Variants in C1orf105 observed in about 807,000 individuals in gnomAD.
C1orf105 encodes chromosome 1 open reading frame 105.
In C1orf105, 17 loss-of-function variants were observed where a neutral mutation model predicts 20.8. That is an observed-to-expected ratio of 0.82 (90% CI 0.56 to 1.23). The LOEUF is 1.23. Ranked by LOEUF, C1orf105 falls within the 50% of genes most tolerant of loss-of-function variation. The pLI is 0.00. For synonymous variants in C1orf105, 72 were observed against 72.1 expected (o/e 1.00, Z 0.01); for missense variants, 219 against 213.5 (o/e 1.03, Z -0.16).
chr1:172,442,613 G>A, intron 1 of C1orf105: 2 of 1,611,206 alleles, frequency 1.2e-6, no homozygotes, highest in South Asian at 1.1e-5. Flanking sequence ...GTCACAGGTT[G>A]AGCATACATT....
intron 6 of C1orf105, among the ~76,000 whole-genome samples, chr1:172,467,886 G>A (rs181705939): frequency 6.1e-4 from 93 of 152,296 alleles, no homozygotes; most frequent in African/African-American, 2.1e-3. Flanking sequence ...TCATTTTGAA[G>A]AAGAGATAGG....
At chr1:172,442,047 A>C in intron 1 of C1orf105, 1 of 1,614,248 alleles carries the variant, frequency 6.2e-7, no homozygotes, top group Non-Finnish European at 8.5e-7. Context: ...ACCGGGGAAG[A>C]CGTGATGCCA....
At chr1:172,430,446 T>A (rs909664281) in intron 1 of C1orf105, 24 of 595,826 alleles carry the variant, frequency 4.0e-5, no homozygotes, top group Non-Finnish European at 6.6e-5. Flanking sequence ...TTAAACCTTT[T>A]TTTATTTATT....
chr1:172,452,820 A>G (rs903480957), intron 3 of C1orf105: 16 of 1,396,676 alleles, frequency 1.1e-5, no homozygotes, highest in Non-Finnish European at 1.4e-5. Flanking sequence ...TGCTTGGGAA[A>G]TGAGGGCCCC....
chr1:172,428,050 G>GC (rs1001190351), intron 1 of C1orf105, among the ~76,000 whole-genome samples: 1 of 152,002 alleles, frequency 6.6e-6, no homozygotes, highest in Non-Finnish European at 1.5e-5. Context: ...CCATCCCTCT[G>GC]CCCCCACCTC....
chr1:172,458,177 G>T (rs917147219), intron 4 of C1orf105, among the ~76,000 whole-genome samples: 1 of 152,204 alleles, frequency 6.6e-6, no homozygotes, highest in South Asian at 2.1e-4. Flanking sequence ...GGGCAACAAT[G>T]TCTGCTCCTG....
chr1:172,441,418 T>C (rs1033587921), intron 1 of C1orf105: 6 of 228,648 alleles, frequency 2.6e-5, no homozygotes, highest in African/African-American at 1.4e-4. Flanking sequence ...TGCCCCTCTG[T>C]CTGCCTCCTG....
chr1:172,451,798 T>G (rs1201385807), intron 3 of C1orf105, among the ~76,000 whole-genome samples: 2 of 151,714 alleles, frequency 1.3e-5, no homozygotes, highest in Non-Finnish European at 2.9e-5. Flanking sequence ...TTTTGAATAT[T>G]GAAATTGTTC....
chr1:172,441,574 C>A lies in C1orf105; in HGVS notation c.22-3499C>A, dbSNP rs944326714. ...ATAACAGAAAGGATAAGCACCCTCACCACCCAAGCCTTTGGTTCATTTTTT... is the reference window on the plus strand; with the variant it reads ...ATAACAGAAAGGATAAGCACCCTCAACACCCAAGCCTTTGGTTCATTTTTT... On this transcript the variant is annotated intron_variant, in intron 1 of 6. Transcript: ENST00000367727. 1.3e-5 allele frequency: 8 copies of A among 619,222 alleles called. No individual in the cohort carries two copies. The South Asian group carries it at 2.6e-4, about 20-fold the overall frequency. 38.4% of individuals were successfully genotyped at this position (619,222 alleles called of 1,614,324 possible). A position where few individuals can be genotyped will look rare whatever the true frequency, so the allele number is the denominator to read the frequency against.
intron 1 of C1orf105, among the ~76,000 whole-genome samples, chr1:172,424,591 A>G (rs1230002844): frequency 2.6e-5 from 4 of 152,152 alleles, no homozygotes; most frequent in East Asian, 1.9e-4. Flanking sequence ...GGGTTTCACA[A>G]TGTTGGCCAG....
Position 172,456,469 on chromosome 1 carries a change from A to C in C1orf105, c.253A>C (p.Thr85Pro), listed in dbSNP as rs1253734351. 6.2e-7 allele frequency: 1 copy of C among 1,613,376 alleles called. No individual in the cohort carries two copies. Residue 85 changes from threonine (T) to proline (P), a missense_variant, in exon 4 of 7, where the codon ACA becomes CCA. Thr to Pro is a conservative substitution (Grantham distance 38, BLOSUM62 -1). Coordinates refer to ENST00000367727, the MANE Select transcript of C1orf105 (RefSeq NM_139240.4). ...GCTCAGAAACCAACAGCTGTGCTCC[A>C]CATGTCAAGAAATGAAAATGGTAGG... ...MLLRNQQLCS[T>P]CQEMKMVQPR...
At position 172,432,594 on chromosome 1, in the gene C1orf105, C is replaced by G. The variant is rs576881512; in HGVS notation, c.21+11688C>G. ...ACATCAACAAAAAGGACATCTACAC[C>G]AAAACCCTATCTGTAGGTCACCAAC... On this transcript the variant is annotated intron_variant, in intron 1 of 6. Transcript: ENST00000367727. Among the ~76,000 whole-genome samples, 71 of 152,244 alleles carry G rather than the reference C, an allele frequency of 4.7e-4. 1 individual carries two copies. The highest frequency in any genetic ancestry group is 1.6e-3 in the African/African-American group (66 of 41,546).
chr1:172,424,263 C>T lies in C1orf105; in HGVS notation c.21+3357C>T, dbSNP rs1051123030. On this transcript the variant is annotated intron_variant, in intron 1 of 6. Transcript: ENST00000367727. ...CAAAGAGACTTAAGGATCTGCAAGGCAGTAACCAAGAAGTCACTAATGTGG... is the reference window on the plus strand; with the variant it reads ...CAAAGAGACTTAAGGATCTGCAAGGTAGTAACCAAGAAGTCACTAATGTGG... Among the ~76,000 whole-genome samples, 5 of 152,254 alleles carry T rather than the reference C, an allele frequency of 3.3e-5. No homozygotes were observed. In the South Asian group the frequency reaches 1.0e-3, roughly 31 times the overall value.
chr1:172,435,740 C>G lies in C1orf105; in HGVS notation c.22-9333C>G, dbSNP rs181688924. On this transcript the variant is annotated intron_variant, in intron 1 of 6. Transcript: ENST00000367727. ...TATTCAACATAGTGTTGGAAGTTCTCGCCAGGGCAATCAGCCAAGAGAAAG... is the reference window on the plus strand; with the variant it reads ...TATTCAACATAGTGTTGGAAGTTCTGGCCAGGGCAATCAGCCAAGAGAAAG... Among the ~76,000 whole-genome samples, 258 of 152,156 alleles carry G rather than the reference C, an allele frequency of 1.7e-3. 3 individuals carry two copies. The highest frequency in any genetic ancestry group is 5.5e-3 in the African/African-American group (230 of 41,508).
At chr1:172,445,303 C>A (rs758936737) in intron 2 of C1orf105, 145 bp downstream of exon 2, 38 of 708,308 alleles carry the variant, frequency 5.4e-5, no homozygotes, top group Non-Finnish European at 7.6e-5. Flanking sequence ...AGAAATAATC[C>A]GGGTTTCTCA....
At chr1:172,436,573 C>T (rs539450125) in intron 1 of C1orf105, among the ~76,000 whole-genome samples, 16 of 152,258 alleles carry the variant, frequency 1.1e-4, no homozygotes, top group African/African-American at 3.1e-4. Context: ...CTTCCTTATA[C>T]CTTACACAAA....
intron 3 of C1orf105, among the ~76,000 whole-genome samples, chr1:172,450,377 C>T (rs1278928650): frequency 1.3e-5 from 2 of 152,210 alleles, no homozygotes; most frequent in South Asian, 4.1e-4. Flanking sequence ...TATTCTTTCC[C>T]GTCACACAGA....
intron 1 of C1orf105, among the ~76,000 whole-genome samples, chr1:172,428,104 C>G (rs929451312): frequency 6.6e-5 from 10 of 152,124 alleles, no homozygotes; most frequent in African/African-American, 2.4e-4. Context: ...GGGGAAAAAC[C>G]TTAATTTATA....
intron 1 of C1orf105, chr1:172,444,033 C>G (rs1420693150): frequency 1.3e-5 from 13 of 1,000,046 alleles, no homozygotes; most frequent in Non-Finnish European, 1.4e-5. Context: ...CGGCACCCAG[C>G]CTTTTTCCCG....
Sources: gnomAD v4.1 joint callset for allele counts (sites outside exome capture counted in the v4.1 genomes callset) on GRCh38, gnomAD v4.1.1 for gene constraint, MANE v1.5 for transcripts, NCBI Gene and HGNC (gene_info 2026-07-23, HGNC 2026-07-21) for gene names.